Variants in CNTNAP2 observed in about 807,000 individuals in gnomAD.
CNTNAP2 encodes the protein contactin associated protein 2, also known as contactin-associated protein-like 2.
A neutral mutation model predicts 155.2 loss-of-function variants in CNTNAP2; 98 were observed. The ratio of observed to expected loss-of-function variants is 0.63; its 90% CI spans 0.54 to 0.75. The LOEUF (loss-of-function observed/expected upper bound fraction) is 0.75. Among genes scored for constraint, CNTNAP2 ranks in the 30% least tolerant of loss-of-function variants. The pLI, the probability that CNTNAP2 is intolerant of heterozygous loss-of-function variation, is 0.00. For missense variants in CNTNAP2, 1,727 were observed against 1,688.1 expected (o/e 1.02, Z -0.40); for synonymous variants, 651 against 631.2 (o/e 1.03, Z -0.47).
chr7:146,995,962 C>T (rs1429945225), intron 3 of CNTNAP2, among the ~76,000 whole-genome samples: 1 of 151,940 alleles, frequency 6.6e-6, no homozygotes, highest in Non-Finnish European at 1.5e-5. Context: ...CAAAACAAAC[C>T]TTGCCCAGAC....
In CNTNAP2 at chr7:148,056,029, G is replaced by A. The variant is rs1359517521; in HGVS notation, c.2384-62089G>A. ...CTAACAGAAAGTTCTGTGTTGAATA[G>A]CGATGAACGGATTCACTCCAACCTT... On this transcript the variant is annotated intron_variant, in intron 15 of 23. Transcript: ENST00000361727. Among the ~76,000 whole-genome samples, 3 of 152,148 alleles carry A rather than the reference G, an allele frequency of 2.0e-5. No individual in the cohort carries two copies. The East Asian group carries it at 5.8e-4, about 29-fold the overall frequency.
intron 3 of CNTNAP2, among the ~76,000 whole-genome samples, chr7:147,041,348 T>C (rs1366327551): frequency 6.6e-6 from 1 of 152,178 alleles, no homozygotes; most frequent in East Asian, 1.9e-4. Flanking sequence ...AATCTTTTTG[T>C]GAGAGACATA....
At chr7:146,811,438 G>A (rs1000263635) in intron 2 of CNTNAP2, among the ~76,000 whole-genome samples, 8 of 152,120 alleles carry the variant, frequency 5.3e-5, no homozygotes, top group Non-Finnish European at 7.4e-5. Context: ...AGTTCATAGT[G>A]ATTTCTTATG....
chr7:146,262,391 A>G (rs1584833863), intron 1 of CNTNAP2, among the ~76,000 whole-genome samples: 3 of 152,308 alleles, frequency 2.0e-5, no homozygotes, highest in Admixed American at 1.3e-4. Context: ...GGCCTATAGT[A>G]TCAGTGCTCT....
chr7:147,903,613 A>G lies in CNTNAP2; in HGVS notation c.2147A>G (p.Tyr716Cys), dbSNP rs760930032. The G allele has an allele frequency of 4.7e-5, 76 of 1,614,060 alleles. No individual in the cohort carries two copies. The highest frequency in any genetic ancestry group is 6.0e-5 in the Non-Finnish European group (71 of 1,180,032). Residue 716 changes from tyrosine to cysteine, a missense_variant, in exon 14 of 24, where the codon TAC becomes TGC. Coordinates refer to ENST00000361727, the MANE Select transcript of CNTNAP2 (RefSeq NM_014141.6). ...WWVGKANEKH[Y>C]YWGGSGPGIQ... The stretch of plus-strand genomic sequence containing the variant: ...GTTGGCAAAGCCAACGAGAAGCACT[A>G]CTACTGGGGAGGCTCTGGGCCTGGA...
chr7:147,202,728 A>G (rs1802947061), intron 8 of CNTNAP2, among the ~76,000 whole-genome samples: 1 of 152,136 alleles, frequency 6.6e-6, no homozygotes, highest in African/African-American at 2.4e-5. Context: ...GTTCTCACTC[A>G]TAGGTGGGAG....
chr7:147,729,518 G>C (rs1361961694), intron 13 of CNTNAP2, among the ~76,000 whole-genome samples: 1 of 151,272 alleles, frequency 6.6e-6, no homozygotes, highest in South Asian at 2.1e-4. Flanking sequence ...ACAAGAAAAG[G>C]CTCCTAATTC....
At chr7:147,552,170 G>A (rs570658213) in intron 11 of CNTNAP2, among the ~76,000 whole-genome samples, 1 of 152,158 alleles carries the variant, frequency 6.6e-6, no homozygotes, top group Admixed American at 6.5e-5. Flanking sequence ...TTTGGGCGGT[G>A]TATTTTGTTT....
At chr7:147,166,569 C>T (rs909486031) in intron 8 of CNTNAP2, among the ~76,000 whole-genome samples, 2 of 152,068 alleles carry the variant, frequency 1.3e-5, no homozygotes, top group Admixed American at 6.5e-5. Flanking sequence ...CTTGTGCGTC[C>T]GTGTGAAGAG....
chr7:147,924,404 G>T (rs1254321636), intron 14 of CNTNAP2, among the ~76,000 whole-genome samples: 1 of 152,080 alleles, frequency 6.6e-6, no homozygotes, highest in Non-Finnish European at 1.5e-5. Flanking sequence ...TTCCCAAAAT[G>T]CTGGGATTGC....
At chr7:147,642,804 C>T (rs1403932037) in intron 13 of CNTNAP2, among the ~76,000 whole-genome samples, 1 of 152,116 alleles carries the variant, frequency 6.6e-6, no homozygotes, top group African/African-American at 2.4e-5. Flanking sequence ...AATAATACTT[C>T]AAAAATCAGT....
At chr7:148,313,265 C>G (rs1481449740) in intron 21 of CNTNAP2, among the ~76,000 whole-genome samples, 1 of 149,010 alleles carries the variant, frequency 6.7e-6, no homozygotes, top group Non-Finnish European at 1.5e-5. Flanking sequence ...ACCAGAAGAT[C>G]GGCATCCGTG....
At chr7:147,275,014 C>T (rs978483611) in intron 8 of CNTNAP2, among the ~76,000 whole-genome samples, 2 of 151,964 alleles carry the variant, frequency 1.3e-5, no homozygotes, top group African/African-American at 4.8e-5. Context: ...TTCTATTGAT[C>T]TGTGTGTCTA....
At chr7:147,613,415 C>A (rs1801223828) in intron 12 of CNTNAP2, among the ~76,000 whole-genome samples, 1 of 152,162 alleles carries the variant, frequency 6.6e-6, no homozygotes, top group Non-Finnish European at 1.5e-5. Context: ...TTACAATTAT[C>A]TCTTCTACTC....
chr7:147,658,910 A>C, intron 13 of CNTNAP2, among the ~76,000 whole-genome samples: 1 of 152,106 alleles, frequency 6.6e-6, no homozygotes, highest in East Asian at 1.9e-4. Flanking sequence ...TTTTGTTCCC[A>C]TCTTTCCACT....
chr7:147,326,948 A>G (rs1795472279), intron 9 of CNTNAP2, among the ~76,000 whole-genome samples: 1 of 152,240 alleles, frequency 6.6e-6, no homozygotes, highest in Non-Finnish European at 1.5e-5. Context: ...TACTTAATAC[A>G]TGCTGAATGG....
chr7:147,832,319 A>G (rs1798563171), intron 13 of CNTNAP2, among the ~76,000 whole-genome samples: 1 of 146,338 alleles, frequency 6.8e-6, no homozygotes, highest in South Asian at 2.1e-4. Flanking sequence ...TATAATATAG[A>G]TCCATTATCT....
intron 13 of CNTNAP2, among the ~76,000 whole-genome samples, chr7:147,739,600 AT>A (rs1331693928): frequency 1.5e-4 from 23 of 152,032 alleles, no homozygotes; most frequent in African/African-American, 5.6e-4. Flanking sequence ...CCATTATATG[AT>A]TTATTTCAGA....
intron 8 of CNTNAP2, among the ~76,000 whole-genome samples, chr7:147,235,483 C>T (rs2116626089): frequency 6.6e-6 from 1 of 151,970 alleles, no homozygotes; most frequent in Middle Eastern, 3.4e-3. Flanking sequence ...TATGAGAATG[C>T]CTTTTCCCTT....
Sources: allele counts gnomAD v4.1 joint callset (sites outside exome capture counted in the v4.1 genomes callset), GRCh38; gene constraint gnomAD v4.1.1; transcripts MANE v1.5; gene names NCBI Gene and HGNC (gene_info 2026-07-23, HGNC 2026-07-21).